The following ELOC variants were observed in gnomAD, a reference collection of about 807,000 sequenced individuals.
ELOC encodes elongin C.
For missense variants in ELOC, 38 were observed against 139.0 expected (o/e 0.27, Z 3.65); for synonymous variants, 40 against 51.3 (o/e 0.78, Z 0.94).
intron 3 of ELOC, among the ~76,000 whole-genome samples, chr8:73,951,970 TGAA>T (rs762093373): frequency 1.3e-5 from 2 of 152,186 alleles, no homozygotes; most frequent in Non-Finnish European, 2.9e-5. Flanking sequence ...TGCAAAAGAA[TGAA>T]GCTGATCTCT....
At chr8:73,972,008 T>C (rs1178810346) in intron 1 of ELOC, 69 bp downstream of exon 1, 1 of 152,198 alleles carries the variant, frequency 6.6e-6, no homozygotes, top group East Asian at 1.9e-4. Context: ...TGCGAGCTCG[T>C]CCCGTCTCGG....
intron 1 of ELOC, among the ~76,000 whole-genome samples, chr8:73,961,371 C>T (rs117946138): frequency 0.021 from 3,259 of 152,318 alleles, 72 homozygotes; most frequent in Non-Finnish European, 0.029. Flanking sequence ...AGTAACCTCT[C>T]TAATGCCTCA....
intron 3 of ELOC, among the ~76,000 whole-genome samples, chr8:73,954,258 A>G (rs976921173): frequency 2.6e-5 from 4 of 152,198 alleles, no homozygotes; most frequent in African/African-American, 7.2e-5. Flanking sequence ...CTAGATAGAG[A>G]TGATGGCTGC....
intron 3 of ELOC, among the ~76,000 whole-genome samples, chr8:73,954,163 C>A (rs1471876839): frequency 6.6e-6 from 1 of 152,044 alleles, no homozygotes; most frequent in Non-Finnish European, 1.5e-5. Flanking sequence ...TGGTGGTAGT[C>A]AGACACTGAG....
chr8:73,959,714 A>T (rs1201290391), intron 2 of ELOC, 51 bp downstream of exon 2: 1 of 1,471,280 alleles, frequency 6.8e-7, no homozygotes, highest in East Asian at 2.4e-5. Context: ...TCTTTGAAAC[A>T]AAGTCCAGTT....
At chr8:73,952,019 AAAGACCT>A (rs1813803878) in intron 3 of ELOC, among the ~76,000 whole-genome samples, 1 of 152,226 alleles carries the variant, frequency 6.6e-6, no homozygotes, top group Non-Finnish European at 1.5e-5. Flanking sequence ...ACTTAAGACC[AAAGACCT>A]AAATTTAAGA....
intron 3 of ELOC, 88 bp from the exon 4 acceptor site, chr8:73,946,908 ATGTGGC>A (rs1388056048): frequency 9.2e-7 from 1 of 1,083,924 alleles, no homozygotes; most frequent in Non-Finnish European, 1.3e-6. Context: ...GTACCACAGA[ATGTGGC>A]TGTATTTAGA....
chr8:73,959,866 G>A, intron 1 of ELOC, 48 bp from the exon 2 acceptor site: 2 of 1,028,716 alleles, frequency 1.9e-6, no homozygotes, highest in African/African-American at 3.3e-5. Flanking sequence ...CAAGAGACAA[G>A]TTTTCATTCA....
intron 3 of ELOC, among the ~76,000 whole-genome samples, chr8:73,949,764 CTGAA>C (rs758965447): frequency 6.6e-6 from 1 of 152,130 alleles, no homozygotes; most frequent in Non-Finnish European, 1.5e-5. Flanking sequence ...TAGTTTGAGG[CTGAA>C]TGTTTTCTGA....
intron 1 of ELOC, among the ~76,000 whole-genome samples, chr8:73,967,694 C>T (rs1024846805): frequency 1.3e-5 from 2 of 152,184 alleles, no homozygotes; most frequent in Non-Finnish European, 2.9e-5. Context: ...TCTCAAACTC[C>T]TGACCTCTGG....
chr8:73,952,480 T>TA (rs754933689), intron 3 of ELOC, among the ~76,000 whole-genome samples: 5,265 of 133,328 alleles, frequency 0.039, 144 homozygotes, highest in African/African-American at 0.068. Flanking sequence ...ATGACACCAT[T>TA]AAAAAAAAAA....
chr8:73,968,593 G>A (rs1815151485), intron 1 of ELOC, among the ~76,000 whole-genome samples: 1 of 152,182 alleles, frequency 6.6e-6, no homozygotes, highest in Non-Finnish European at 1.5e-5. Context: ...CAGTTGCCTT[G>A]TCTCTCCATC....
chr8:73,948,835 A>ACAAGCAAGCAAGCAAGCAAGCAAGCAAG (rs149713108), intron 3 of ELOC, among the ~76,000 whole-genome samples: 1 of 150,268 alleles, frequency 6.7e-6, no homozygotes, highest in African/African-American at 2.5e-5. Context: ...CCTGTCACTC[A>ACAAGCAAGCAAGCAAGCAAGCAAGCAAG]CAAGCAAGCA....
chr8:73,952,502 C>G (rs1382900769), intron 3 of ELOC, among the ~76,000 whole-genome samples: 1 of 149,354 alleles, frequency 6.7e-6, no homozygotes, highest in Non-Finnish European at 1.5e-5. Flanking sequence ...AAAGACTGGC[C>G]AGGTGCGGTG....
chr8:73,956,942 C>T (rs1463860848), intron 2 of ELOC, among the ~76,000 whole-genome samples: 2 of 151,964 alleles, frequency 1.3e-5, no homozygotes, highest in African/African-American at 2.4e-5. Flanking sequence ...GAGATCGAGA[C>T]CATCCTGGCT....
At chr8:73,955,756 C>CTTT (rs1814134539) in intron 3 of ELOC, 155 bp downstream of exon 3, 1 of 894,286 alleles carries the variant, frequency 1.1e-6, no homozygotes, top group African/African-American at 1.7e-5. Context: ...CAGAATGAGA[C>CTTT]TCTGTCTCTC....
At chr8:73,956,863 T>C (rs751285338) in intron 2 of ELOC, among the ~76,000 whole-genome samples, 3 of 152,128 alleles carry the variant, frequency 2.0e-5, no homozygotes, top group Non-Finnish European at 4.4e-5. Context: ...CAAGTATGTA[T>C]TTAGGCTGGG....
intron 2 of ELOC, among the ~76,000 whole-genome samples, chr8:73,957,685 A>G (rs1309309732): frequency 6.6e-6 from 1 of 152,244 alleles, no homozygotes; most frequent in African/African-American, 2.4e-5. Flanking sequence ...TAGTCTTTGA[A>G]GTAGAAAACT....
intron 3 of ELOC, among the ~76,000 whole-genome samples, chr8:73,951,457 G>C (rs1813753070): frequency 6.6e-6 from 1 of 152,032 alleles, no homozygotes; most frequent in Admixed American, 6.6e-5. Flanking sequence ...CTTGAGGCCA[G>C]GAGTTCAAGA....
Sources: gnomAD v4.1 joint callset for allele counts (sites outside exome capture counted in the v4.1 genomes callset) on GRCh38, gnomAD v4.1.1 for gene constraint, MANE v1.5 for transcripts, NCBI Gene and HGNC (gene_info 2026-07-23, HGNC 2026-07-21) for gene names.